The following ASCC3 variants were observed in gnomAD, a reference collection of about 807,000 sequenced individuals.
ASCC3 encodes activating signal cointegrator 1 complex subunit 3.
In ASCC3, 158 loss-of-function variants were observed where a neutral mutation model predicts 256.3. That is an observed-to-expected ratio of 0.62 (90% CI 0.54 to 0.70). ASCC3 has a LOEUF of 0.70. ASCC3 is among the 30% of genes least tolerant of loss of function. The pLI, the probability that ASCC3 is intolerant of heterozygous loss-of-function variation, is 0.00. For synonymous variants in ASCC3, 948 were observed against 883.4 expected (o/e 1.07, Z -1.30); for missense variants, 2,259 against 2,626.0 (o/e 0.86, Z 3.05).
rs551666085 is a variant in ASCC3, at chr6:100,571,497, G to A, written c.5550+18137C>T. 1.4e-4 allele frequency among the ~76,000 whole-genome samples: 22 copies of A among 152,132 alleles called. No individual in the cohort carries two copies. The South Asian group carries it at 2.7e-3, about 19-fold the overall frequency. ...CCATGAGTGCTGGAACCACTAGCCC[G>A]GTTTTCTGCTGTATCCTCCATGGCT... On this transcript the variant is annotated intron_variant, in intron 36 of 41. Coordinates refer to ENST00000369162, the MANE Select transcript of ASCC3 (RefSeq NM_006828.4).
chr6:100,844,916 G>A (rs1029828413), intron 4 of ASCC3, among the ~76,000 whole-genome samples: 1 of 152,088 alleles, frequency 6.6e-6, no homozygotes. Context: ...GAACATAGAT[G>A]TGCTTTCTAT....
chr6:100,563,094 A>G (rs942460656), intron 36 of ASCC3, among the ~76,000 whole-genome samples: 13 of 151,798 alleles, frequency 8.6e-5, no homozygotes, highest in African/African-American at 1.5e-4. Flanking sequence ...GTTAGTGGCT[A>G]TTTTTTTAAA....
At chr6:100,835,686 T>G (rs1467016058) in intron 4 of ASCC3, among the ~76,000 whole-genome samples, 2 of 152,132 alleles carry the variant, frequency 1.3e-5, no homozygotes, top group African/African-American at 4.8e-5. Flanking sequence ...CTGAAGTATA[T>G]TTTGAGGTCT....
chr6:100,511,972 G>T (rs999541863), intron 40 of ASCC3, among the ~76,000 whole-genome samples: 3 of 152,126 alleles, frequency 2.0e-5, no homozygotes, highest in Non-Finnish European at 4.4e-5. Context: ...CCAAAAAGAA[G>T]ACTAATTCTT....
intron 13 of ASCC3, among the ~76,000 whole-genome samples, chr6:100,681,041 T>C (rs1481647148): frequency 6.6e-6 from 1 of 152,194 alleles, no homozygotes; most frequent in Non-Finnish European, 1.5e-5. Context: ...TCTATACTTC[T>C]ATAGAGGTAT....
chr6:100,762,068 T>G (rs769911994), intron 10 of ASCC3, among the ~76,000 whole-genome samples: 6 of 152,144 alleles, frequency 3.9e-5, no homozygotes, highest in Non-Finnish European at 8.8e-5. Flanking sequence ...CAACCACAAT[T>G]GCTGGAGCTT....
intron 37 of ASCC3, among the ~76,000 whole-genome samples, chr6:100,521,181 C>T (rs1285390841): frequency 6.6e-6 from 1 of 152,060 alleles, no homozygotes; most frequent in African/African-American, 2.4e-5. Flanking sequence ...AAGTAATCCC[C>T]CCTTATCTGT....
chr6:100,513,731 A>G (rs1773889689), intron 39 of ASCC3, among the ~76,000 whole-genome samples: 1 of 152,158 alleles, frequency 6.6e-6, no homozygotes, highest in African/African-American at 2.4e-5. Context: ...CTTGAAGTGG[A>G]AAGACATTTG....
chr6:100,843,547 T>C (rs1164998793), intron 4 of ASCC3, among the ~76,000 whole-genome samples: 9 of 152,208 alleles, frequency 5.9e-5, no homozygotes, highest in Non-Finnish European at 1.3e-4. Flanking sequence ...AAATAGCATG[T>C]AATATTGAAA....
chr6:100,584,854 G>T (rs527859548), intron 36 of ASCC3, among the ~76,000 whole-genome samples: 18 of 152,088 alleles, frequency 1.2e-4, no homozygotes, highest in Admixed American at 1.2e-3. Context: ...GCTTAGTTTG[G>T]CTGGATATGA....
chr6:100,688,277 A>C lies in ASCC3; in HGVS notation c.2152-8525T>G, dbSNP rs9689632. Among the ~76,000 whole-genome samples the C allele has an allele frequency of 0.014, 2,105 of 151,092 alleles. 102 individuals carry two copies. The East Asian group carries it at 0.15, about 11-fold the overall frequency. On this transcript the variant is annotated intron_variant, in intron 13 of 41. Transcript: ENST00000369162. ...AAGTGGTGGAGTTATTAAAAAAAAA[A>C]AACAACAACAGGAACTCTTGATTCT...
intron 13 of ASCC3, among the ~76,000 whole-genome samples, chr6:100,707,032 C>T (rs544758810): frequency 1.3e-5 from 2 of 152,136 alleles, no homozygotes; most frequent in East Asian, 3.9e-4. Flanking sequence ...AGTCCTGATG[C>T]GTTTCATATT....
intron 16 of ASCC3, among the ~76,000 whole-genome samples, chr6:100,660,242 A>C (rs1382334574): frequency 6.6e-5 from 10 of 151,660 alleles, no homozygotes; most frequent in Non-Finnish European, 1.5e-5. Flanking sequence ...CTAGTTTCAA[A>C]AATTATAATG....
intron 8 of ASCC3, among the ~76,000 whole-genome samples, chr6:100,781,936 T>G (rs1185748986): frequency 6.6e-6 from 1 of 151,928 alleles, no homozygotes; most frequent in Non-Finnish European, 1.5e-5. Context: ...ATCTATATTT[T>G]TATATATTTA....
chr6:100,815,163 T>A (rs1326092323), intron 4 of ASCC3, among the ~76,000 whole-genome samples: 1 of 152,056 alleles, frequency 6.6e-6, no homozygotes, highest in East Asian at 1.9e-4. Flanking sequence ...GTAATCCCAC[T>A]CATAATTGTC....
intron 36 of ASCC3, among the ~76,000 whole-genome samples, chr6:100,554,665 G>A (rs1422138414): frequency 1.3e-5 from 2 of 152,106 alleles, no homozygotes; most frequent in Non-Finnish European, 2.9e-5. Flanking sequence ...TTTGGCCACT[G>A]AAGCTTTAGA....
At chr6:100,713,433 C>T (rs1319377161) in intron 13 of ASCC3, among the ~76,000 whole-genome samples, 1 of 152,130 alleles carries the variant, frequency 6.6e-6, no homozygotes, top group Non-Finnish European at 1.5e-5. Context: ...ACAGGCTTAA[C>T]ATAGAGGATG....
intron 36 of ASCC3, among the ~76,000 whole-genome samples, chr6:100,574,151 T>C (rs1214541098): frequency 1.6e-4 from 25 of 152,154 alleles, no homozygotes; most frequent in Admixed American, 1.6e-3. Context: ...TACGGATCTA[T>C]CTTCTGTTTC....
chr6:100,536,143 G>A (rs1775151179), intron 37 of ASCC3, among the ~76,000 whole-genome samples: 1 of 152,164 alleles, frequency 6.6e-6, no homozygotes, highest in Non-Finnish European at 1.5e-5. Context: ...CTTTTTGCAA[G>A]AGTAAGGGCT....
Sources: allele counts gnomAD v4.1 joint callset (sites outside exome capture counted in the v4.1 genomes callset), GRCh38; gene constraint gnomAD v4.1.1; transcripts MANE v1.5; gene names NCBI Gene and HGNC (gene_info 2026-07-23, HGNC 2026-07-21).